The following VMP1 variants were observed in gnomAD, a reference collection of about 807,000 sequenced individuals.
VMP1 encodes the protein vacuole membrane protein 1.
VMP1 carries 11 observed loss-of-function variants against 56.0 expected under a neutral mutation model. That is an observed-to-expected ratio of 0.20 (90% CI 0.12 to 0.32). The LOEUF is 0.32. Ranked by LOEUF, VMP1 falls within the 10% of genes least tolerant of loss-of-function variation. The pLI is 1.00. For synonymous variants in VMP1, 149 were observed against 165.0 expected (o/e 0.90, Z 0.74); for missense variants, 296 against 490.3 (o/e 0.60, Z 3.74).
At chr17:59,759,659 T>C (rs1318939247) in intron 5 of VMP1, among the ~76,000 whole-genome samples, 1 of 152,148 alleles carries the variant, frequency 6.6e-6, no homozygotes, top group Non-Finnish European at 1.5e-5. Flanking sequence ...CTCTTTCTTT[T>C]CTGGGTTCTT....
intron 5 of VMP1, among the ~76,000 whole-genome samples, chr17:59,743,669 T>C (rs780255575): frequency 6.6e-6 from 1 of 151,064 alleles, no homozygotes; most frequent in Non-Finnish European, 1.5e-5. Flanking sequence ...GAGTATAATA[T>C]ATACTCTATT....
chr17:59,768,775 G>A (rs1333488843), intron 6 of VMP1, among the ~76,000 whole-genome samples: 3 of 151,990 alleles, frequency 2.0e-5, no homozygotes, highest in Non-Finnish European at 2.9e-5. Flanking sequence ...GAGGTCAGAA[G>A]TTCAAGACCA....
chr17:59,797,356 A>G (rs1245812806), intron 7 of VMP1, among the ~76,000 whole-genome samples: 1 of 151,626 alleles, frequency 6.6e-6, no homozygotes, highest in East Asian at 1.9e-4. Context: ...AAAAAAAAAA[A>G]GAAAAAGAAA....
At chr17:59,801,057 G>C (rs1218808625) in intron 7 of VMP1, among the ~76,000 whole-genome samples, 2 of 142,768 alleles carry the variant, frequency 1.4e-5, no homozygotes, top group Non-Finnish European at 1.5e-5. Context: ...CCCATCCTGG[G>C]CGACAGAGCA....
chr17:59,821,569 G>A (rs1448327608), intron 10 of VMP1, among the ~76,000 whole-genome samples: 1 of 123,872 alleles, frequency 8.1e-6, no homozygotes, highest in Admixed American at 8.7e-5. Context: ...TTTTGAGGCG[G>A]AGTTTCACTC....
At chr17:59,710,533 C>T (rs1013787108) in intron 1 of VMP1, among the ~76,000 whole-genome samples, 2 of 152,128 alleles carry the variant, frequency 1.3e-5, no homozygotes, top group African/African-American at 4.8e-5. Context: ...CGCACATAAG[C>T]CTTATTTACA....
At chr17:59,740,455 A>G (rs749326985) in intron 5 of VMP1, among the ~76,000 whole-genome samples, 2 of 152,234 alleles carry the variant, frequency 1.3e-5, no homozygotes, top group Non-Finnish European at 2.9e-5. Flanking sequence ...CTGTGCTATA[A>G]TGAATTCATC....
intron 7 of VMP1, among the ~76,000 whole-genome samples, chr17:59,791,087 A>ATTG (rs1345576245): frequency 6.6e-6 from 1 of 151,948 alleles, no homozygotes; most frequent in Non-Finnish European, 1.5e-5. Flanking sequence ...TTGCCACATA[A>ATTG]CTGTACTCAT....
intron 1 of VMP1, among the ~76,000 whole-genome samples, chr17:59,720,973 C>CA (rs775555698): frequency 0.015 from 2,092 of 140,592 alleles, 39 homozygotes; most frequent in African/African-American, 0.049. Flanking sequence ...AACTCCATCT[C>CA]AAAAAAAAAA....
At chr17:59,819,790 C>T (rs1424859824) in intron 10 of VMP1, among the ~76,000 whole-genome samples, 1 of 152,182 alleles carries the variant, frequency 6.6e-6, no homozygotes, top group African/African-American at 2.4e-5. Context: ...TTCATTTATT[C>T]TTAGAGACTA....
At chr17:59,717,015 T>C (rs1034258541) in intron 1 of VMP1, among the ~76,000 whole-genome samples, 4 of 152,190 alleles carry the variant, frequency 2.6e-5, no homozygotes, top group African/African-American at 9.7e-5. Context: ...GGTCTCGCTC[T>C]GTCGCCCAGG....
At chr17:59,717,717 T>G (rs191428114) in intron 1 of VMP1, among the ~76,000 whole-genome samples, 1 of 152,184 alleles carries the variant, frequency 6.6e-6, no homozygotes, top group Admixed American at 6.5e-5. Flanking sequence ...GTAAGGCATT[T>G]GATAACAGCC....
At chr17:59,763,704 T>A (rs545490707) in intron 5 of VMP1, among the ~76,000 whole-genome samples, 5 of 152,324 alleles carry the variant, frequency 3.3e-5, no homozygotes, top group African/African-American at 9.6e-5. Flanking sequence ...AACCACAGAT[T>A]CTTTCATCAA....
chr17:59,713,380 C>A (rs1001773414), intron 1 of VMP1, among the ~76,000 whole-genome samples: 3 of 152,032 alleles, frequency 2.0e-5, no homozygotes, highest in Non-Finnish European at 2.9e-5. Context: ...TGCACATGTA[C>A]CCTAGAACTT....
chr17:59,745,749 T>C (rs1191395699), intron 5 of VMP1, among the ~76,000 whole-genome samples: 1 of 152,222 alleles, frequency 6.6e-6, no homozygotes, highest in Admixed American at 6.5e-5. Flanking sequence ...TATACCCATA[T>C]AACTAACCCT....
intron 5 of VMP1, among the ~76,000 whole-genome samples, chr17:59,760,685 A>G (rs2036017939): frequency 6.6e-6 from 1 of 152,176 alleles, no homozygotes; most frequent in Non-Finnish European, 1.5e-5. Context: ...CAGTGGCGCA[A>G]TCTCGGCTCA....
chr17:59,816,790 A>G (rs1390877026), intron 9 of VMP1, among the ~76,000 whole-genome samples: 3 of 151,634 alleles, frequency 2.0e-5, no homozygotes, highest in Non-Finnish European at 4.4e-5. Context: ...TACAAAAAAC[A>G]CAAAAATTTG....
At chr17:59,814,694 A>C (rs926514357) in intron 9 of VMP1, among the ~76,000 whole-genome samples, 2 of 152,152 alleles carry the variant, frequency 1.3e-5, no homozygotes, top group African/African-American at 4.8e-5. Flanking sequence ...CTAGAATCCA[A>C]CCAAGCTCTG....
intron 1 of VMP1, among the ~76,000 whole-genome samples, chr17:59,716,637 C>A (rs2034163215): frequency 6.6e-6 from 1 of 152,188 alleles, no homozygotes; most frequent in African/African-American, 2.4e-5. Context: ...CTCAGTTTCT[C>A]ATTTGCTAAA....
Sources: allele counts gnomAD v4.1 joint callset (sites outside exome capture counted in the v4.1 genomes callset), GRCh38; gene constraint gnomAD v4.1.1; transcripts MANE v1.5; gene names NCBI Gene and HGNC (gene_info 2026-07-23, HGNC 2026-07-21).